Variants in MNAT1 observed in about 807,000 individuals in gnomAD.
MNAT1 encodes the protein MNAT1 component of CDK activating kinase, also known as CDK-activating kinase assembly factor MAT1.
MNAT1 carries 43 observed loss-of-function variants against 42.0 expected under a neutral mutation model. That is an observed-to-expected ratio of 1.02 (90% confidence interval 0.80 to 1.32). The LOEUF (loss-of-function observed/expected upper bound fraction) is 1.32. MNAT1 is among the 40% of genes most tolerant of loss of function. The pLI, the probability that MNAT1 is intolerant of heterozygous loss-of-function variation, is 0.00. For synonymous variants in MNAT1, 118 were observed against 120.0 expected (o/e 0.98, Z 0.11); for missense variants, 306 against 350.4 (o/e 0.87, Z 1.01).
At chr14:60,794,769 C>A (rs1479564884) in intron 1 of MNAT1, among the ~76,000 whole-genome samples, 2 of 147,662 alleles carry the variant, frequency 1.4e-5, no homozygotes, top group African/African-American at 2.5e-5. Flanking sequence ...TTACTAATAA[C>A]CTTAAAAATT....
chr14:60,863,195 A>T (rs2034135494), intron 6 of MNAT1, among the ~76,000 whole-genome samples: 1 of 152,188 alleles, frequency 6.6e-6, no homozygotes. Flanking sequence ...AGAGGCTGTA[A>T]GATCCCAGGA....
At chr14:60,965,095 A>T (rs2036658479) in intron 7 of MNAT1, among the ~76,000 whole-genome samples, 1 of 152,128 alleles carries the variant, frequency 6.6e-6, no homozygotes, top group Non-Finnish European at 1.5e-5. Flanking sequence ...AATAAGCAGG[A>T]CTCTCAACGA....
chr14:60,900,084 T>TCTCTCTCTC (rs1566544076), intron 7 of MNAT1, among the ~76,000 whole-genome samples: 1 of 42,046 alleles, frequency 2.4e-5, no homozygotes. Flanking sequence ...CTCTCTCTCT[T>TCTCTCTCTC]ACCTTGGACT....
chr14:60,886,285 G>A (rs2034668926), intron 7 of MNAT1, among the ~76,000 whole-genome samples: 1 of 151,922 alleles, frequency 6.6e-6, no homozygotes, highest in Non-Finnish European at 1.5e-5. Flanking sequence ...TATTGAAAAT[G>A]CCATGAGAAT....
chr14:60,752,499 T>C (rs1261255226), intron 1 of MNAT1, among the ~76,000 whole-genome samples: 2 of 151,954 alleles, frequency 1.3e-5, no homozygotes, highest in Non-Finnish European at 2.9e-5. Context: ...CACAGAGGAG[T>C]TCTTTTAATT....
At chr14:60,735,792 C>T (rs1284443926) in intron 1 of MNAT1, among the ~76,000 whole-genome samples, 2 of 152,204 alleles carry the variant, frequency 1.3e-5, no homozygotes, top group Admixed American at 1.3e-4. Context: ...TGCCAGATTT[C>T]TTGTCAGATG....
chr14:60,813,453 A>C (rs2032618089), intron 5 of MNAT1, among the ~76,000 whole-genome samples: 1 of 152,202 alleles, frequency 6.6e-6, no homozygotes, highest in African/African-American at 2.4e-5. Context: ...TGTACTTCTC[A>C]CATGTTGGCT....
intron 6 of MNAT1, among the ~76,000 whole-genome samples, chr14:60,823,122 C>G (rs1212349659): frequency 6.6e-6 from 1 of 152,180 alleles, no homozygotes; most frequent in Admixed American, 6.5e-5. Flanking sequence ...CCTCCCTCTA[C>G]TCTGCCTTTT....
intron 6 of MNAT1, among the ~76,000 whole-genome samples, chr14:60,839,880 G>A (rs1005095929): frequency 5.3e-5 from 8 of 152,214 alleles, no homozygotes; most frequent in Non-Finnish European, 1.0e-4. Context: ...TCATGCACCC[G>A]TCACTGCTCT....
intron 6 of MNAT1, among the ~76,000 whole-genome samples, chr14:60,847,517 A>G (rs982945915): frequency 6.6e-6 from 1 of 151,234 alleles, no homozygotes; most frequent in African/African-American, 2.4e-5. Context: ...CCTATTTTAT[A>G]TCTTTGATTC....
At chr14:60,802,977 G>A (rs1379873562) in intron 3 of MNAT1, among the ~76,000 whole-genome samples, 1 of 147,190 alleles carries the variant, frequency 6.8e-6, no homozygotes, top group African/African-American at 2.5e-5. Context: ...CTGTCGCCCA[G>A]GCTGGAGTGT....
At chr14:60,911,646 A>C (rs1277963223) in intron 7 of MNAT1, among the ~76,000 whole-genome samples, 1 of 152,100 alleles carries the variant, frequency 6.6e-6, no homozygotes, top group African/African-American at 2.4e-5. Context: ...TGAGTTTCTT[A>C]ATCCTGAGTT....
At chr14:60,898,422 G>A (rs929382945) in intron 7 of MNAT1, among the ~76,000 whole-genome samples, 2 of 151,990 alleles carry the variant, frequency 1.3e-5, no homozygotes, top group Non-Finnish European at 2.9e-5. Flanking sequence ...TTACCAGCAT[G>A]TGTAATTTTT....
At chr14:60,812,471 A>G (rs1464964411) in intron 5 of MNAT1, among the ~76,000 whole-genome samples, 2 of 152,210 alleles carry the variant, frequency 1.3e-5, no homozygotes, top group Non-Finnish European at 1.5e-5. Context: ...AGGGACGGGT[A>G]CCCAGAGAAA....
chr14:60,799,325 A>C (rs1001862882), intron 3 of MNAT1: 47 of 985,248 alleles, frequency 4.8e-5, no homozygotes, highest in Non-Finnish European at 5.1e-5. Flanking sequence ...GGCAAAGTGG[A>C]AAAGTTAGAA....
intron 7 of MNAT1, among the ~76,000 whole-genome samples, chr14:60,918,758 T>TATATATATATATATATA (rs371722863): frequency 9.1e-4 from 129 of 142,384 alleles, no homozygotes; most frequent in African/African-American, 3.2e-3. Context: ...ATATATATAT[T>TATATATATATATATATA]TTTGTCCTTA....
intron 6 of MNAT1, among the ~76,000 whole-genome samples, chr14:60,854,312 A>G (rs1332450762): frequency 3.3e-5 from 5 of 152,112 alleles, no homozygotes; most frequent in Non-Finnish European, 7.4e-5. Context: ...CAGTTCATCA[A>G]TCTCATTCTC....
intron 7 of MNAT1, among the ~76,000 whole-genome samples, chr14:60,896,386 C>A (rs975711552): frequency 4.6e-5 from 7 of 152,134 alleles, no homozygotes; most frequent in Non-Finnish European, 8.8e-5. Context: ...TATTTTACTA[C>A]CTTCCACTCA....
At chr14:60,752,883 G>T (rs2030159862) in intron 1 of MNAT1, among the ~76,000 whole-genome samples, 1 of 152,308 alleles carries the variant, frequency 6.6e-6, no homozygotes, top group East Asian at 1.9e-4. Context: ...TCCTGCCTCA[G>T]CTTCCCGAGT....
Sources: gnomAD v4.1 joint callset for allele counts (sites outside exome capture counted in the v4.1 genomes callset) on GRCh38, gnomAD v4.1.1 for gene constraint, MANE v1.5 for transcripts, NCBI Gene and HGNC (gene_info 2026-07-23, HGNC 2026-07-21) for gene names.